The following RBFOX1 variants were observed in gnomAD, a reference collection of about 807,000 sequenced individuals.
RBFOX1 encodes RNA binding fox-1 homolog 1, also known as RNA binding protein fox-1 homolog 1.
Under a neutral mutation model 57.7 loss-of-function variants are expected in RBFOX1, and 8 were observed. That is an observed-to-expected ratio of 0.14 (90% confidence interval 0.08 to 0.25). The LOEUF (loss-of-function observed/expected upper bound fraction) is 0.25, where lower values mean the gene tolerates loss of function less well. RBFOX1 is among the 10% of genes least tolerant of loss of function. The probability of loss-of-function intolerance (pLI) is 1.00; values close to 1 mark genes in which losing one functional copy is unlikely to be tolerated. For missense variants in RBFOX1, 611 were observed against 548.5 expected (o/e 1.11, Z -1.14); for synonymous variants, 326 against 222.4 (o/e 1.47, Z -4.15).
intron 4 of RBFOX1, among the ~76,000 whole-genome samples, chr16:7,331,230 A>G (rs2096689187): frequency 6.6e-6 from 1 of 152,200 alleles, no homozygotes; most frequent in Admixed American, 6.5e-5. Flanking sequence ...GGATTTAGAA[A>G]ACGCCAATAG....
At chr16:5,568,609 C>G (rs958148595) in intron 2 of RBFOX1, among the ~76,000 whole-genome samples, 4 of 152,178 alleles carry the variant, frequency 2.6e-5, no homozygotes, top group Admixed American at 6.5e-5. Flanking sequence ...CTTCTGTTGT[C>G]TGCAGTGGGC....
At chr16:5,656,408 T>A (rs964460570) in intron 3 of RBFOX1, among the ~76,000 whole-genome samples, 4 of 152,218 alleles carry the variant, frequency 2.6e-5, no homozygotes, top group African/African-American at 9.6e-5. Context: ...GAGTGCTGGT[T>A]GGAATAAGTT....
At chr16:7,296,868 G>T (rs902545071) in intron 4 of RBFOX1, among the ~76,000 whole-genome samples, 1 of 152,162 alleles carries the variant, frequency 6.6e-6, no homozygotes, top group African/African-American at 2.4e-5. Flanking sequence ...TAAGAGCCTA[G>T]CTTTGTGTCC....
chr16:6,890,120 A>C (rs563772334), intron 3 of RBFOX1, among the ~76,000 whole-genome samples: 1 of 152,264 alleles, frequency 6.6e-6, no homozygotes, highest in Non-Finnish European at 1.5e-5. Flanking sequence ...AAAATAAATA[A>C]TATAGGTGGT....
intron 1 of RBFOX1, among the ~76,000 whole-genome samples, chr16:6,217,765 A>C (rs2097345398): frequency 6.6e-6 from 1 of 152,174 alleles, no homozygotes; most frequent in Non-Finnish European, 1.5e-5. Flanking sequence ...CTGTAATCCC[A>C]GCACTTTGGG....
intron 3 of RBFOX1, among the ~76,000 whole-genome samples, chr16:5,665,218 T>C (rs2049800650): frequency 6.6e-6 from 1 of 152,008 alleles, no homozygotes. Flanking sequence ...TCAAATTTTC[T>C]GGGACTACAG....
chr16:5,595,647 G>C (rs1033559288), intron 2 of RBFOX1, among the ~76,000 whole-genome samples: 1 of 152,220 alleles, frequency 6.6e-6, no homozygotes, highest in South Asian at 2.1e-4. Context: ...TCAGGGAAAA[G>C]ACCTGGGCTT....
intron 4 of RBFOX1, among the ~76,000 whole-genome samples, chr16:7,435,335 G>A (rs774410109): frequency 2.0e-4 from 30 of 152,038 alleles, no homozygotes; most frequent in Non-Finnish European, 4.1e-4. Flanking sequence ...TTACGGAGAG[G>A]AAGACCACAG....
intron 3 of RBFOX1, among the ~76,000 whole-genome samples, chr16:5,726,705 A>G (rs1461365094): frequency 6.6e-6 from 1 of 152,258 alleles, no homozygotes; most frequent in Non-Finnish European, 1.5e-5. Flanking sequence ...TAATAGCTAT[A>G]GGTATTATGA....
At chr16:5,364,667 C>T (rs760635332) in intron 1 of RBFOX1, among the ~76,000 whole-genome samples, 14 of 152,212 alleles carry the variant, frequency 9.2e-5, no homozygotes, top group Non-Finnish European at 1.9e-4. Flanking sequence ...GTGCTCTACA[C>T]GCATCTCGGA....
intron 3 of RBFOX1, among the ~76,000 whole-genome samples, chr16:6,962,588 C>G (rs1333154334): frequency 6.6e-6 from 1 of 152,094 alleles, no homozygotes; most frequent in Non-Finnish European, 1.5e-5. Context: ...GGCTTGGAGC[C>G]AGGAGCTCAT....
chr16:5,449,798 G>T (rs769261137), intron 1 of RBFOX1, among the ~76,000 whole-genome samples: 7 of 151,954 alleles, frequency 4.6e-5, no homozygotes, highest in African/African-American at 1.7e-4. Flanking sequence ...TGTAGAGACA[G>T]AGTCTCACTA....
At chr16:5,391,682 A>G (rs535655075) in intron 1 of RBFOX1, among the ~76,000 whole-genome samples, 2 of 152,210 alleles carry the variant, frequency 1.3e-5, no homozygotes, top group African/African-American at 4.8e-5. Context: ...TGTCCCTAGG[A>G]TCACAGGTAG....
chr16:7,515,480 C>T (rs922718671), intron 4 of RBFOX1, among the ~76,000 whole-genome samples: 6 of 132,216 alleles, frequency 4.5e-5, no homozygotes, highest in East Asian at 2.5e-4. Flanking sequence ...CACACACATA[C>T]ACACACACAC....
In RBFOX1 at chr16:7,094,675, A is replaced by G. The variant is rs2061394004; in HGVS notation, c.27+42577A>G. On this transcript the variant is annotated intron_variant, in intron 4 of 15. Transcript: ENST00000550418. ...TCATTACATTGTTCACCCTACTCCA[A>G]TGTCTTGTTAGTGGTTGGGTGGTAT... Among the ~76,000 whole-genome samples the G allele has an allele frequency of 3.5e-5, 5 of 143,198 alleles. No individual in the cohort carries two copies. The Admixed American group carries it at 3.5e-4, about 10-fold the overall frequency. 93.9% of individuals were successfully genotyped at this position (143,198 alleles called of 152,430 possible). A position where few individuals can be genotyped will look rare whatever the true frequency, so the allele number is the denominator to read the frequency against.
chr16:7,206,786 G>T (rs567008626), intron 4 of RBFOX1, among the ~76,000 whole-genome samples: 1 of 152,212 alleles, frequency 6.6e-6, no homozygotes, highest in African/African-American at 2.4e-5. Flanking sequence ...GGAGAAATAT[G>T]CAACAGGGGA....
chr16:5,825,520 GA>G (rs1447350775), intron 3 of RBFOX1, among the ~76,000 whole-genome samples: 2 of 152,118 alleles, frequency 1.3e-5, no homozygotes, highest in African/African-American at 4.8e-5. Context: ...AACTTGGATG[GA>G]AAAAATTATA....
At chr16:6,339,707 G>T (rs2084262752) in intron 2 of RBFOX1, among the ~76,000 whole-genome samples, 1 of 151,500 alleles carries the variant, frequency 6.6e-6, no homozygotes, top group Non-Finnish European at 1.5e-5. Flanking sequence ...GTCTCGCTCT[G>T]TCACCCAGGC....
intron 4 of RBFOX1, among the ~76,000 whole-genome samples, chr16:7,410,237 G>A (rs569067825): frequency 6.6e-6 from 1 of 152,314 alleles, no homozygotes; most frequent in African/African-American, 2.4e-5. Flanking sequence ...TGTAGGCACT[G>A]CATATGTGTT....
Sources: gnomAD v4.1 joint callset for allele counts (sites outside exome capture counted in the v4.1 genomes callset) on GRCh38, gnomAD v4.1.1 for gene constraint, MANE v1.5 for transcripts, NCBI Gene and HGNC (gene_info 2026-07-23, HGNC 2026-07-21) for gene names.